The following FBXL13 variants were observed in gnomAD, a reference collection of about 807,000 sequenced individuals.
FBXL13 encodes F-box and leucine-rich repeat protein 13.
Under a neutral mutation model 83.6 loss-of-function variants are expected in FBXL13, and 67 were observed. That is an observed-to-expected ratio of 0.80 (90% confidence interval 0.66 to 0.98). The LOEUF is 0.98. Among genes scored for constraint, FBXL13 ranks in the 50% least tolerant of loss-of-function variants. FBXL13 has a pLI of 0.00. For synonymous variants in FBXL13, 272 were observed against 299.5 expected (o/e 0.91, Z 0.95); for missense variants, 822 against 866.5 (o/e 0.95, Z 0.64).
chr7:102,947,194 G>T (rs1822672984), intron 8 of FBXL13, among the ~76,000 whole-genome samples: 1 of 152,144 alleles, frequency 6.6e-6, no homozygotes, highest in South Asian at 2.1e-4. Flanking sequence ...AAGGACATAG[G>T]ACCTGAAAGA....
At chr7:102,921,164 A>C (rs1451569732) in intron 10 of FBXL13, among the ~76,000 whole-genome samples, 1 of 152,120 alleles carries the variant, frequency 6.6e-6, no homozygotes, top group East Asian at 1.9e-4. Flanking sequence ...AACAAAGCGA[A>C]TTCAAGGCAA....
intron 14 of FBXL13, among the ~76,000 whole-genome samples, chr7:102,882,998 A>T (rs1810312179): frequency 6.6e-6 from 1 of 152,058 alleles, no homozygotes; most frequent in African/African-American, 2.4e-5. Flanking sequence ...GGAAAAGATC[A>T]TGTTAACTGA....
At chr7:103,064,610 T>C (rs915200063) in intron 1 of FBXL13, among the ~76,000 whole-genome samples, 1 of 152,200 alleles carries the variant, frequency 6.6e-6, no homozygotes, top group Non-Finnish European at 1.5e-5. Flanking sequence ...GTATGGCAGA[T>C]TATATTTTCC....
At chr7:103,007,915 G>A (rs1791155355) in intron 6 of FBXL13, among the ~76,000 whole-genome samples, 1 of 152,100 alleles carries the variant, frequency 6.6e-6, no homozygotes, top group Admixed American at 6.5e-5. Flanking sequence ...GCTCAAGAAG[G>A]GTGAGGAGAG....
At chr7:102,844,092 CCA>C (rs1365383605) in intron 17 of FBXL13, among the ~76,000 whole-genome samples, 7 of 152,192 alleles carry the variant, frequency 4.6e-5, no homozygotes, top group African/African-American at 7.2e-5. Flanking sequence ...TGAACCACTA[CCA>C]CAGACTTCCT....
chr7:102,813,325 C>T (rs1395300074), exon 20 of FBXL13: 4 of 1,568,704 alleles, frequency 2.5e-6, no homozygotes, highest in African/African-American at 2.8e-5. Context: ...TTTGTTCTTC[C>T]TGCTTGAGGC....
Position 102,867,693 on chromosome 7 carries a change from A to AT in FBXL13, c.1635+9773dup, listed in dbSNP as rs1396279645. 6.4e-3 allele frequency among the ~76,000 whole-genome samples: 425 copies of AT among 66,456 alleles called. 5 individuals are homozygous for AT. Among genetic ancestry groups the AT allele is most frequent in the Non-Finnish European group, 8.5e-3 (340 of 39,910 alleles). 43.6% of individuals were successfully genotyped at this position (66,456 alleles called of 152,430 possible). The stretch of plus-strand genomic sequence containing the variant: ...CATATATATATATATATATATATAT[A>AT]TATTTTTTTTTTTTTTTTTTTTTTT... On this transcript the variant is annotated intron_variant, in intron 16 of 19. Transcript: ENST00000313221.
intron 8 of FBXL13, among the ~76,000 whole-genome samples, chr7:102,962,586 T>C (rs1380126451): frequency 6.6e-6 from 1 of 152,058 alleles, no homozygotes; most frequent in Non-Finnish European, 1.5e-5. Flanking sequence ...CCAACCCAAA[T>C]GTCCAACAAT....
chr7:102,826,767 A>ATG (rs1274223983), intron 18 of FBXL13, among the ~76,000 whole-genome samples: 1 of 112,848 alleles, frequency 8.9e-6, no homozygotes, highest in African/African-American at 3.8e-5. Flanking sequence ...ATATATATAT[A>ATG]TATATGTATA....
rs148076166 is a variant in FBXL13, at chr7:103,020,588, C to T, written c.495+4475G>A. On this transcript the variant is annotated intron_variant, in intron 6 of 19. Coordinates refer to ENST00000313221, the Ensembl canonical transcript of FBXL13. ...TGATTGTATATTTAGAAAACCCCAT[C>T]GTCTCAGCCCAAAATCTCCTTAAGC... Among the ~76,000 whole-genome samples, 785 of 152,282 alleles carry T rather than the reference C, an allele frequency of 5.2e-3. 8 individuals carry two copies. Among genetic ancestry groups the T allele is most frequent in the Non-Finnish European group, 8.2e-3 (559 of 68,020 alleles).
At chr7:103,060,620 C>A (rs2129498828) in intron 1 of FBXL13, among the ~76,000 whole-genome samples, 1 of 152,218 alleles carries the variant, frequency 6.6e-6, no homozygotes, top group East Asian at 1.9e-4. Context: ...CTATTATAAC[C>A]CTTGGTGGAC....
chr7:102,882,843 G>A (rs1251287384), intron 14 of FBXL13, among the ~76,000 whole-genome samples: 2 of 152,014 alleles, frequency 1.3e-5, no homozygotes, highest in Non-Finnish European at 2.9e-5. Context: ...TCCAATAGTG[G>A]CCCAGCTAAA....
chr7:103,005,904 G>A (rs1293763909), intron 6 of FBXL13, among the ~76,000 whole-genome samples: 1 of 152,072 alleles, frequency 6.6e-6, no homozygotes, highest in Non-Finnish European at 1.5e-5. Context: ...AACTATTATG[G>A]CTAAAGTTGG....
chr7:102,820,772 A>C lies in FBXL13; in HGVS notation c.2018+1268T>G, dbSNP rs546894411. On this transcript the variant is annotated intron_variant, in intron 19 of 19. Transcript: ENST00000313221. Reference sequence around the variant, plus strand: ...TCAGGAACCCACTCCCATGATAACTAACTCACTTCCATGATAACGGCATTA... The same window carrying C: ...TCAGGAACCCACTCCCATGATAACTCACTCACTTCCATGATAACGGCATTA... Among the ~76,000 whole-genome samples, 6 of 152,356 alleles carry C rather than the reference A, an allele frequency of 3.9e-5. No homozygotes were observed. In the South Asian group the frequency reaches 1.2e-3, roughly 32 times the overall value.
chr7:102,965,952 G>A (rs1825925248), intron 7 of FBXL13, among the ~76,000 whole-genome samples: 1 of 152,082 alleles, frequency 6.6e-6, no homozygotes, highest in African/African-American at 2.4e-5. Flanking sequence ...CTATGAATAG[G>A]GGGACTGGTG....
intron 17 of FBXL13, among the ~76,000 whole-genome samples, 167 bp from the exon 19 acceptor site, chr7:102,833,141 T>C (rs754679406): frequency 3.3e-5 from 5 of 152,230 alleles, no homozygotes; most frequent in Non-Finnish European, 7.3e-5. Flanking sequence ...AACATCTGTT[T>C]ATAGCAAAAG....
At chr7:102,841,747 G>A (rs1444022120) in intron 17 of FBXL13, among the ~76,000 whole-genome samples, 3 of 152,186 alleles carry the variant, frequency 2.0e-5, no homozygotes, top group Admixed American at 2.0e-4. Context: ...TAATGCCTGG[G>A]TATCTTGGCA....
intron 2 of FBXL13, among the ~76,000 whole-genome samples, chr7:103,036,499 ATCT>A (rs1427090161): frequency 1.3e-5 from 2 of 152,044 alleles, no homozygotes; most frequent in Admixed American, 6.6e-5. Context: ...TTATTTCTTG[ATCT>A]TCTGCAAATT....
intron 2 of FBXL13, among the ~76,000 whole-genome samples, chr7:103,041,940 C>A (rs1018011058): frequency 6.6e-6 from 1 of 152,182 alleles, no homozygotes; most frequent in East Asian, 1.9e-4. Flanking sequence ...TCTCAATACT[C>A]CTATTCAACA....
Sources: allele counts gnomAD v4.1 joint callset (sites outside exome capture counted in the v4.1 genomes callset), GRCh38; gene constraint gnomAD v4.1.1; transcripts MANE v1.5; gene names NCBI Gene and HGNC (gene_info 2026-07-23, HGNC 2026-07-21).